PACSIN2: variants seen among roughly 807,000 people sequenced by gnomAD.
PACSIN2 encodes the protein protein kinase C and casein kinase substrate in neurons 2, also known as protein kinase C and casein kinase substrate in neurons protein 2.
PACSIN2 carries 25 observed loss-of-function variants against 63.8 expected under a neutral mutation model. The ratio of observed to expected loss-of-function variants is 0.39; its 90% CI spans 0.29 to 0.55. The LOEUF (loss-of-function observed/expected upper bound fraction) is 0.55, where lower values mean the gene tolerates loss of function less well. Among genes scored for constraint, PACSIN2 ranks in the 20% least tolerant of loss-of-function variants. The pLI is 0.62. For synonymous variants in PACSIN2, 255 were observed against 256.2 expected (o/e 1.00, Z 0.05); for missense variants, 518 against 646.9 (o/e 0.80, Z 2.16).
chr22:42,912,344 G>GT (rs1931518380), intron 1 of PACSIN2, among the ~76,000 whole-genome samples, 187 bp from the exon 2 acceptor site: 1 of 152,196 alleles, frequency 6.6e-6, no homozygotes. Flanking sequence ...GTATGTCTGT[G>GT]TGTGTGCATG....
intron 1 of PACSIN2, among the ~76,000 whole-genome samples, chr22:42,919,015 C>T (rs750744868): frequency 2.0e-5 from 3 of 152,156 alleles, no homozygotes; most frequent in Admixed American, 6.5e-5. Flanking sequence ...CAGGTTGAGC[C>T]GACTACAACG....
intron 1 of PACSIN2, among the ~76,000 whole-genome samples, chr22:43,014,321 TACACAC>T (rs139728514): frequency 3.1e-5 from 4 of 130,548 alleles, no homozygotes; most frequent in East Asian, 2.1e-4. Flanking sequence ...CCCCCCGCCC[TACACAC>T]ACACACACAC....
At chr22:42,934,990 A>G (rs949841436) in intron 1 of PACSIN2, among the ~76,000 whole-genome samples, 1 of 150,818 alleles carries the variant, frequency 6.6e-6, no homozygotes, top group African/African-American at 2.4e-5. Flanking sequence ...ATCTCGGCTC[A>G]CTGCAAGCTC....
At chr22:42,988,581 G>A (rs986184836) in intron 1 of PACSIN2, among the ~76,000 whole-genome samples, 1 of 152,166 alleles carries the variant, frequency 6.6e-6, no homozygotes, top group African/African-American at 2.4e-5. Flanking sequence ...ACAGCAGCTC[G>A]GGAAGAAAAT....
At chr22:43,009,994 C>T (rs761181351) in intron 1 of PACSIN2, among the ~76,000 whole-genome samples, 1 of 151,154 alleles carries the variant, frequency 6.6e-6, no homozygotes, top group African/African-American at 2.4e-5. Flanking sequence ...CTCAGCCTCC[C>T]GAGTAGCTGA....
chr22:42,883,130 A>G (rs970700783), intron 6 of PACSIN2, among the ~76,000 whole-genome samples: 1 of 152,164 alleles, frequency 6.6e-6, no homozygotes, highest in African/African-American at 2.4e-5. Flanking sequence ...AAATCCAGAC[A>G]CAGAGACAGA....
At chr22:43,009,865 A>ATTTTTTTTTTT (rs898985902) in intron 1 of PACSIN2, among the ~76,000 whole-genome samples, 1 of 75,616 alleles carries the variant, frequency 1.3e-5, no homozygotes, top group African/African-American at 3.6e-5. Flanking sequence ...TATTTTTTCT[A>ATTTTTTTTTTT]TTTTTTTTTT....
rs755416776 is a variant in PACSIN2, at chr22:42,912,060, A to C, written c.21T>G (p.Asp7Glu). MSVTYD[D>E]SVGVEVSSDS... ...CGCTGGACACTTCTACTCCAACGGAATCATCATATGTGACAGACATTTTTT... is the reference window on the plus strand; with the variant it reads ...CGCTGGACACTTCTACTCCAACGGACTCATCATATGTGACAGACATTTTTT... Residue 7 changes from aspartate (D) to glutamate (E), a missense_variant, in exon 2 of 11, where the codon GAT (aspartate) becomes GAG (glutamate). By Grantham distance (45) the Asp-to-Glu change is conservative. This residue lies in a region of PACSIN2 where 507 missense variants were observed against 612.3 expected (regional missense o/e 0.83). Transcript: ENST00000263246. The C allele has an allele frequency of 6.2e-7, 1 of 1,603,510 alleles. No individual in the cohort carries two copies. The highest frequency in any genetic ancestry group is 1.7e-5 in the Admixed American group (1 of 57,550).
chr22:42,999,393 G>C lies in PACSIN2; in HGVS notation c.-78+15628C>G, dbSNP rs543197549. 5.3e-5 allele frequency among the ~76,000 whole-genome samples: 8 copies of C among 152,362 alleles called. No individual in the cohort carries two copies. The East Asian group carries it at 1.3e-3, about 26-fold the overall frequency. On this transcript the variant is annotated intron_variant, in intron 1 of 10. Transcript: ENST00000263246. Reference sequence around the variant, plus strand: ...CATTAAAAAATCTGTCTACAGGCCAGGCGTGGTGGCTCATGCCTCTAATCC... The same window carrying C: ...CATTAAAAAATCTGTCTACAGGCCACGCGTGGTGGCTCATGCCTCTAATCC...
intron 9 of PACSIN2, among the ~76,000 whole-genome samples, chr22:42,876,577 C>G (rs1217804393): frequency 6.6e-6 from 1 of 152,262 alleles, no homozygotes; most frequent in Non-Finnish European, 1.5e-5. Context: ...TGGGGCCTCA[C>G]TCTCTAGTCC....
intron 2 of PACSIN2, among the ~76,000 whole-genome samples, chr22:42,897,295 C>T (rs988776796): frequency 6.6e-6 from 1 of 151,950 alleles, no homozygotes; most frequent in Non-Finnish European, 1.5e-5. Flanking sequence ...CTAGTTTTTA[C>T]AATGCAAGAA....
At chr22:42,905,018 T>C (rs1468436611) in intron 2 of PACSIN2, among the ~76,000 whole-genome samples, 2 of 152,200 alleles carry the variant, frequency 1.3e-5, no homozygotes, top group African/African-American at 4.8e-5. Flanking sequence ...GAAAAATGTG[T>C]CTCTTAAACA....
chr22:42,881,995 G>T (rs1569214296), intron 7 of PACSIN2, among the ~76,000 whole-genome samples, 189 bp downstream of exon 7: 1 of 152,242 alleles, frequency 6.6e-6, no homozygotes, highest in Non-Finnish European at 1.5e-5. Context: ...GAAGGCCTTC[G>T]GTAATGCCTG....
Position 42,870,069 on chromosome 22 carries a change from AC to A in PACSIN2, c.*1287del, listed in dbSNP as rs1927978530. 6.6e-6 allele frequency: 1 copy of A among 151,928 alleles called. No homozygotes were observed. The highest frequency in any genetic ancestry group is 2.4e-5 in the African/African-American group (1 of 41,436). 9.4% of individuals were successfully genotyped at this position (151,928 alleles called of 1,614,324 possible). A position where few individuals can be genotyped will look rare whatever the true frequency, so the allele number is the denominator to read the frequency against. ...CGCCGGCCCGCGTGGCCCCCGCGTA[AC>A]TCTGGCTGCAGCACCTGCTCCCGGG... is the stretch of plus-strand genomic sequence containing the variant. On this transcript the variant is annotated 3_prime_UTR_variant, in exon 11 of 11. Transcript: ENST00000263246.
chr22:43,012,358 C>G (rs1449233631), intron 1 of PACSIN2, among the ~76,000 whole-genome samples: 1 of 150,970 alleles, frequency 6.6e-6, no homozygotes, highest in Non-Finnish European at 1.5e-5. Context: ...TGCTCCCACT[C>G]CAGAAATGCC....
intron 1 of PACSIN2, among the ~76,000 whole-genome samples, chr22:42,917,874 C>T (rs1931916945): frequency 6.6e-6 from 1 of 152,102 alleles, no homozygotes; most frequent in Non-Finnish European, 1.5e-5. Context: ...ATCCTCCTGC[C>T]TCAGCCTCCC....
chr22:42,915,325 A>G (rs900551037), intron 1 of PACSIN2, among the ~76,000 whole-genome samples: 1 of 152,188 alleles, frequency 6.6e-6, no homozygotes, highest in Non-Finnish European at 1.5e-5. Flanking sequence ...CTCTTAGCTG[A>G]CCAAAAGGAA....
intron 1 of PACSIN2, among the ~76,000 whole-genome samples, chr22:42,986,514 C>A (rs1194312114): frequency 6.6e-6 from 1 of 152,196 alleles, no homozygotes; most frequent in African/African-American, 2.4e-5. Context: ...ACTTCAGGGG[C>A]TCATTCCTCC....
At chr22:43,004,676 C>G (rs1167684523) in intron 1 of PACSIN2, among the ~76,000 whole-genome samples, 7 of 152,234 alleles carry the variant, frequency 4.6e-5, no homozygotes, top group Admixed American at 2.0e-4. Flanking sequence ...AAAATGCTCA[C>G]AAACTACGGT....
Sources: gnomAD v4.1 joint callset for allele counts (sites outside exome capture counted in the v4.1 genomes callset) on GRCh38, gnomAD v4.1.1 for gene constraint, gnomAD v4.1.1 regional missense constraint, MANE v1.5 for transcripts, NCBI Gene and HGNC (gene_info 2026-07-23, HGNC 2026-07-21) for gene names.